The following BAZ2B variants were observed in gnomAD, a reference collection of about 807,000 sequenced individuals.
BAZ2B encodes the protein bromodomain adjacent to zinc finger domain 2B.
Under a neutral mutation model 246.0 loss-of-function variants are expected in BAZ2B, and 91 were observed. The observed-to-expected ratio is 0.37, with a 90% CI of 0.31 to 0.44. The LOEUF (loss-of-function observed/expected upper bound fraction) is 0.44. BAZ2B is among the 20% of genes least tolerant of loss of function. The pLI, the probability that BAZ2B is intolerant of heterozygous loss-of-function variation, is 1.00. For missense variants in BAZ2B, 2,332 were observed against 2,533.7 expected (o/e 0.92, Z 1.71); for synonymous variants, 855 against 860.0 (o/e 0.99, Z 0.10).
chr2:159,547,803 T>C (rs2087587761), intron 2 of BAZ2B, among the ~76,000 whole-genome samples: 1 of 152,222 alleles, frequency 6.6e-6, no homozygotes, highest in Non-Finnish European at 1.5e-5. Flanking sequence ...ACAGATTTAT[T>C]AAACAGTAGC....
the BAZ2B span, among the ~76,000 whole-genome samples, chr2:159,633,120 C>T: frequency 6.7e-6 from 1 of 149,622 alleles, no homozygotes; most frequent in Non-Finnish European, 1.5e-5. Context: ...TAGGTATGTA[C>T]TTATAAGCAT....
the BAZ2B span, among the ~76,000 whole-genome samples, chr2:159,654,520 G>A: frequency 6.6e-6 from 1 of 152,138 alleles, no homozygotes; most frequent in South Asian, 2.1e-4. Context: ...GTAGAAACCT[G>A]CCTTCTAAGG....
intron 3 of BAZ2B, chr2:159,462,582 C>G: frequency 1.1e-6 from 1 of 870,334 alleles, no homozygotes; most frequent in South Asian, 1.3e-5. Flanking sequence ...AACTCCTTGG[C>G]AGTTTGTGCG....
At position 159,324,729 on chromosome 2, in the gene BAZ2B, AAT is replaced by A. The variant is rs1202790529; in HGVS notation, c.6353+80_6353+81del. On this transcript the variant is annotated intron_variant, in intron 36 of 36. Transcript: ENST00000392783. ...GGGCCTATATCTTGCTGTTAATTAA[AAT>A]ATCTTTGGCTCACTAAAAATATGCC... 4.1e-6 allele frequency: 4 copies of A among 980,922 alleles called. No individual in the cohort carries two copies. The East Asian group carries it at 1.0e-4, about 25-fold the overall frequency. The allele number at this position is 980,922 out of a possible 1,614,324, so 60.8% of individuals were successfully genotyped here.
intron 20 of BAZ2B, among the ~76,000 whole-genome samples, chr2:159,391,806 A>C (rs1240784334): frequency 1.3e-5 from 2 of 152,202 alleles, no homozygotes; most frequent in East Asian, 3.9e-4. Flanking sequence ...GGAGATTTCC[A>C]AAAAATTAGA....
chr2:159,709,021 C>T, the BAZ2B span, among the ~76,000 whole-genome samples: 6 of 151,876 alleles, frequency 4.0e-5, no homozygotes, highest in East Asian at 1.9e-4. Context: ...GGCACTAAAT[C>T]GAGAGTTTAT....
At chr2:159,453,823 T>C (rs762234197) in intron 3 of BAZ2B, 22 bp from the exon 4 acceptor site, 1 of 1,555,406 alleles carries the variant, frequency 6.4e-7, no homozygotes, top group Non-Finnish European at 8.7e-7. Flanking sequence ...AAAAACACAC[T>C]TAAAGTTGTA....
chr2:159,710,298 T>A, the BAZ2B span, among the ~76,000 whole-genome samples: 1 of 151,450 alleles, frequency 6.6e-6, no homozygotes, highest in South Asian at 2.1e-4. Context: ...AACTTCTGCC[T>A]CCTGGGTTCA....
In BAZ2B at chr2:159,480,095, C is replaced by T. The variant is rs2079069756; in HGVS notation, c.-2-1374G>A. On this transcript the variant is annotated intron_variant, in intron 2 of 36. Coordinates refer to ENST00000392783, the MANE Select transcript of BAZ2B (RefSeq NM_013450.4). The stretch of plus-strand genomic sequence containing the variant: ...ACATGTGGCTGTCTGATGGTAAGGC[C>T]CATAAAAATTATTTTTACCAAGTCT... Among the ~76,000 whole-genome samples, 3 of 151,944 alleles carry T rather than the reference C, an allele frequency of 2.0e-5. No homozygotes were observed. The South Asian group carries it at 6.2e-4, about 32-fold the overall frequency.
chr2:159,332,633 A>G lies in BAZ2B; in HGVS notation c.5850T>C (p.Asp1950=). 2 of 1,614,082 alleles carry G rather than the reference A, an allele frequency of 1.2e-6. No homozygotes were observed. Among genetic ancestry groups the G allele is most frequent in the East Asian group, 4.5e-5 (2 of 44,870 alleles). Residue 1950 remains aspartate, a synonymous_variant, in exon 34 of 37, where the codon GAT becomes GAC. Coordinates refer to ENST00000392783, the MANE Select transcript of BAZ2B (RefSeq NM_013450.4). ...AGGTATGACAGCCTTTGTCACAGCC[A>G]TCACAAAGAAGAAGCAGTTCTTCAT... ...GDNEELLLLC[D]GCDKGCHTYC... is the part of the protein sequence containing the mutation.
chr2:159,412,453 T>G lies in BAZ2B; in HGVS notation c.2559A>C (p.Arg853Ser), dbSNP rs367711760. 1.9e-4 allele frequency: 313 copies of G among 1,614,022 alleles called. No homozygotes were observed. The highest frequency in any genetic ancestry group is 2.6e-4 in the Non-Finnish European group (303 of 1,180,008). ...TCCTGGATTCCTCTCTTGCTCGTTG[T>G]CTATCTGGATTTGGTGGTCTTCCTC... ...GRRGRPPNPD[R>S]QRAREESRMR... is the part of the protein sequence containing the mutation. The change falls in exon 14 of 37, where the codon AGA becomes AGC. Residue 853 changes from arginine (R) to serine (S), a missense_variant. Transcript: ENST00000392783.
intron 2 of BAZ2B, among the ~76,000 whole-genome samples, chr2:159,508,526 T>C (rs1559648847): frequency 1.3e-5 from 2 of 152,304 alleles, no homozygotes; most frequent in East Asian, 3.9e-4. Flanking sequence ...TGTTAATGAT[T>C]TAAACACCCT....
chr2:159,476,906 C>T (rs1217751371), intron 3 of BAZ2B, among the ~76,000 whole-genome samples: 1 of 152,188 alleles, frequency 6.6e-6, no homozygotes, highest in East Asian at 1.9e-4. Flanking sequence ...GGCTTGGACA[C>T]TTACAGTCCA....
intron 2 of BAZ2B, among the ~76,000 whole-genome samples, chr2:159,513,428 A>G (rs1296563242): frequency 6.6e-6 from 1 of 152,102 alleles, no homozygotes; most frequent in Non-Finnish European, 1.5e-5. Flanking sequence ...GGTTGTACCC[A>G]CTCTGTAAAG....
At chr2:159,646,576 T>G in the BAZ2B span, among the ~76,000 whole-genome samples, 2 of 152,196 alleles carry the variant, frequency 1.3e-5, no homozygotes, top group African/African-American at 4.8e-5. Flanking sequence ...GTTCAGAGAT[T>G]GCAGTAAAGA....
At position 159,412,482 on chromosome 2, in the gene BAZ2B, G is replaced by C; in HGVS notation, c.2530C>G (p.Arg844Gly). Residue 844 changes from arginine to glycine, a missense_variant, in exon 14 of 37, where the codon CGT (arginine) becomes GGT (glycine). Around this residue, in one of 9 missense-constraint regions of BAZ2B, gnomAD observed 651 missense variants for 650.9 expected, o/e 1.00. Coordinates refer to ENST00000392783, the MANE Select transcript of BAZ2B (RefSeq NM_013450.4). ...TCTGGATTTGGTGGTCTTCCTCTAC[G>C]ACCTTCCATTGCCCTGATACGAGGA... ...VIPRIRAMEGRRGRPPNPDRQ... is the reference protein window; with the variant it reads ...VIPRIRAMEGGRGRPPNPDRQ... 1 of 1,613,958 alleles carries C rather than the reference G, an allele frequency of 6.2e-7. No individual in the cohort carries two copies. Among genetic ancestry groups the C allele is most frequent in the East Asian group, 2.2e-5 (1 of 44,852 alleles).
Position 159,439,087 on chromosome 2 carries a change from T to C in BAZ2B, c.822A>G (p.Glu274=). The C allele has an allele frequency of 6.2e-7, 1 of 1,613,952 alleles. No individual in the cohort carries two copies. Among genetic ancestry groups the C allele is most frequent in the Non-Finnish European group, 8.5e-7 (1 of 1,179,964 alleles). ...DSDDLEEDEE[E]EDQSIEESED... ...CACTTTCTTCAATACTTTGATCTTC[T>C]TCTTCTTCATCTTCTTCTAGATCAT... The change falls in exon 7 of 37, where the codon GAA becomes GAG. Residue 274 remains glutamate, a synonymous_variant. Transcript: ENST00000392783.
upstream of BAZ2B, among the ~76,000 whole-genome samples, chr2:159,618,268 A>G (rs1410736950): frequency 6.6e-6 from 1 of 152,230 alleles, no homozygotes; most frequent in Non-Finnish European, 1.5e-5. Flanking sequence ...TCTCTACAGT[A>G]AAAACTGGCC....
chr2:159,466,587 C>T (rs1220751793), intron 3 of BAZ2B, among the ~76,000 whole-genome samples: 1 of 152,070 alleles, frequency 6.6e-6, no homozygotes, highest in African/African-American at 2.4e-5. Context: ...AATTAGAGGT[C>T]TAATTAAGGT....
Sources: allele counts gnomAD v4.1 joint callset (sites outside exome capture counted in the v4.1 genomes callset), GRCh38; gene constraint gnomAD v4.1.1; regional missense constraint gnomAD v4.1.1; transcripts MANE v1.5; gene names NCBI Gene and HGNC (gene_info 2026-07-23, HGNC 2026-07-21).